Variants in AOAH observed in about 807,000 individuals in gnomAD.
AOAH encodes acyloxyacyl hydrolase (neutrophil).
Under a neutral mutation model 92.2 loss-of-function variants are expected in AOAH, and 64 were observed. The observed-to-expected ratio is 0.69, with a 90% CI of 0.57 to 0.86. The LOEUF is 0.86. AOAH is among the 40% of genes least tolerant of loss of function. The pLI, the probability that AOAH is intolerant of heterozygous loss-of-function variation, is 0.00. For synonymous variants in AOAH, 263 were observed against 254.5 expected (o/e 1.03, Z -0.32); for missense variants, 656 against 694.6 (o/e 0.94, Z 0.62).
At chr7:36,703,153 C>T (rs1486365379) in intron 1 of AOAH, among the ~76,000 whole-genome samples, 2 of 152,134 alleles carry the variant, frequency 1.3e-5, no homozygotes, top group African/African-American at 4.8e-5. Context: ...AGTTCTCTTG[C>T]CATTTATATC....
chr7:36,688,895 G>A (rs1797213114), intron 1 of AOAH, among the ~76,000 whole-genome samples: 1 of 151,918 alleles, frequency 6.6e-6, no homozygotes, highest in African/African-American at 2.4e-5. Flanking sequence ...ATACTTGTGT[G>A]TATATACACA....
intron 5 of AOAH, among the ~76,000 whole-genome samples, chr7:36,634,495 GC>G (rs143139328): frequency 0.03 from 4,530 of 152,256 alleles, 223 homozygotes; most frequent in African/African-American, 0.1. Flanking sequence ...AGAGTTGTGA[GC>G]CCTTAAAAGG....
intron 13 of AOAH, among the ~76,000 whole-genome samples, chr7:36,563,998 G>C (rs1583829331): frequency 6.6e-6 from 1 of 152,158 alleles, no homozygotes; most frequent in Non-Finnish European, 1.5e-5. Context: ...CTAAAACATA[G>C]ATTTTTAAAA....
At chr7:36,581,946 A>T (rs1237974388) in intron 12 of AOAH, among the ~76,000 whole-genome samples, 1 of 152,174 alleles carries the variant, frequency 6.6e-6, no homozygotes, top group Admixed American at 6.5e-5. Flanking sequence ...TTTCTCAAGG[A>T]GTGCTCAGAA....
chr7:36,551,361 C>T (rs542110127), intron 13 of AOAH, among the ~76,000 whole-genome samples: 21 of 152,176 alleles, frequency 1.4e-4, no homozygotes, highest in African/African-American at 2.2e-4. Flanking sequence ...TGTGAGCCAC[C>T]GCATCTGGCC....
chr7:36,678,264 T>C (rs919353570), intron 2 of AOAH, among the ~76,000 whole-genome samples: 1 of 152,226 alleles, frequency 6.6e-6, no homozygotes, highest in African/African-American at 2.4e-5. Context: ...CTTCTGGCCT[T>C]GGAGAAATTG....
At chr7:36,538,922 G>A (rs1199189294) in intron 16 of AOAH, among the ~76,000 whole-genome samples, 1 of 152,220 alleles carries the variant, frequency 6.6e-6, no homozygotes, top group East Asian at 1.9e-4. Context: ...GGAGAATAGG[G>A]AATGTGGGTG....
At chr7:36,672,705 G>C (rs1359225264) in intron 3 of AOAH, among the ~76,000 whole-genome samples, 1 of 151,972 alleles carries the variant, frequency 6.6e-6, no homozygotes, top group Non-Finnish European at 1.5e-5. Flanking sequence ...GTTGATAGGT[G>C]CAGCAAACCA....
chr7:36,664,964 C>T lies in AOAH; in HGVS notation c.291-5699G>A, dbSNP rs965731119. ...ACAAATCTCATGTGAACTCAGAGCA[C>T]GAAGTCGCTCATTACCAAGGGGATG... On this transcript the variant is annotated intron_variant, in intron 3 of 20. Coordinates refer to ENST00000617537, the MANE Select transcript of AOAH (RefSeq NM_001637.4). 1.6e-4 allele frequency among the ~76,000 whole-genome samples: 24 copies of T among 152,272 alleles called. No individual in the cohort carries two copies. The South Asian group carries it at 3.9e-3, about 25-fold the overall frequency.
intron 7 of AOAH, 75 bp downstream of exon 7, chr7:36,623,115 T>C: frequency 8.2e-7 from 1 of 1,213,948 alleles, no homozygotes; most frequent in South Asian, 1.2e-5. Flanking sequence ...TTCAGTCTTG[T>C]CTTATTAAAG....
At chr7:36,695,350 T>G (rs115232684) in intron 1 of AOAH, among the ~76,000 whole-genome samples, 2,263 of 152,312 alleles carry the variant, frequency 0.015, 60 homozygotes, top group African/African-American at 0.052. Flanking sequence ...TAAATATGTT[T>G]CTTAATAGCT....
intron 13 of AOAH, among the ~76,000 whole-genome samples, chr7:36,558,372 G>A (rs962822385): frequency 8.5e-5 from 13 of 152,296 alleles, no homozygotes; most frequent in Admixed American, 5.9e-4. Context: ...GTACCCGGCC[G>A]TGTGAGGTGT....
intron 1 of AOAH, among the ~76,000 whole-genome samples, chr7:36,722,934 A>AG (rs1467658192): frequency 3.0e-5 from 3 of 100,602 alleles, no homozygotes; most frequent in Non-Finnish European, 4.1e-5. Flanking sequence ...AATCCATCTC[A>AG]GAAAAAAAAA....
intron 11 of AOAH, among the ~76,000 whole-genome samples, chr7:36,602,008 C>G (rs936341817): frequency 6.6e-6 from 1 of 152,202 alleles, no homozygotes; most frequent in Non-Finnish European, 1.5e-5. Flanking sequence ...GTAGCAATAA[C>G]TACTCAGCAC....
At chr7:36,666,256 T>C (rs967420653) in intron 3 of AOAH, among the ~76,000 whole-genome samples, 1 of 152,194 alleles carries the variant, frequency 6.6e-6, no homozygotes, top group Non-Finnish European at 1.5e-5. Context: ...ATTGTCTATT[T>C]CTTCTTGTGT....
chr7:36,698,059 G>A (rs1167437781), intron 1 of AOAH, among the ~76,000 whole-genome samples: 3 of 152,164 alleles, frequency 2.0e-5, no homozygotes, highest in Non-Finnish European at 1.5e-5. Context: ...TTATGGTAAT[G>A]TTTTTATAGC....
chr7:36,575,545 A>G (rs899263973), intron 13 of AOAH, among the ~76,000 whole-genome samples: 12 of 152,222 alleles, frequency 7.9e-5, no homozygotes, highest in African/African-American at 2.9e-4. Context: ...CAATAGTATT[A>G]GTACTGAAGA....
At position 36,646,547 on chromosome 7, in the gene AOAH, T is replaced by C. The variant is rs181368789; in HGVS notation, c.391-8637A>G. On this transcript the variant is annotated intron_variant, in intron 4 of 20. Transcript: ENST00000617537. ...GTCTTACTCTATGTTACACAACAAA[T>C]CAATTATTTGTATTAGTTTCCTATT... Among the ~76,000 whole-genome samples, 236 of 152,346 alleles carry C rather than the reference T, an allele frequency of 1.5e-3. 2 individuals are homozygous for C. Among genetic ancestry groups the C allele is most frequent in the African/African-American group, 5.6e-3 (232 of 41,576 alleles).
At chr7:36,687,670 G>T (rs7783711) in intron 1 of AOAH, among the ~76,000 whole-genome samples, 2,787 of 152,148 alleles carry the variant, frequency 0.018, 94 homozygotes, top group African/African-American at 0.064. Flanking sequence ...GCTGGCAGAG[G>T]TTCATTTCTA....
Sources: allele counts gnomAD v4.1 joint callset (sites outside exome capture counted in the v4.1 genomes callset), GRCh38; gene constraint gnomAD v4.1.1; transcripts MANE v1.5; gene names NCBI Gene and HGNC (gene_info 2026-07-23, HGNC 2026-07-21).